POLR3A: variants seen among roughly 807,000 people sequenced by gnomAD.
POLR3A encodes the protein RNA polymerase III subunit A.
In POLR3A, 112 loss-of-function variants were observed where a neutral mutation model predicts 152.8. That is an observed-to-expected ratio of 0.73 (90% CI 0.63 to 0.86). The LOEUF (loss-of-function observed/expected upper bound fraction) is 0.86, where lower values mean the gene tolerates loss of function less well. POLR3A is among the 40% of genes least tolerant of loss of function. The pLI, the probability that POLR3A is intolerant of heterozygous loss-of-function variation, is 0.00. For missense variants in POLR3A, 1,385 were observed against 1,743.1 expected, an observed-to-expected ratio of 0.79 and a Z score of 3.66; for synonymous variants, 615 against 652.1, an observed-to-expected ratio of 0.94 and a Z score of 0.87.
At chr10:77,995,042 T>A (rs983603013) in intron 19 of POLR3A, among the ~76,000 whole-genome samples, 1 of 152,208 alleles carries the variant, frequency 6.6e-6, no homozygotes, top group African/African-American at 2.4e-5. Flanking sequence ...CAAAACAGAA[T>A]TTCATATCCA....
intron 15 of POLR3A, among the ~76,000 whole-genome samples, chr10:78,007,095 C>T (rs1847419103): frequency 6.6e-6 from 1 of 151,934 alleles, no homozygotes; most frequent in Non-Finnish European, 1.5e-5. Flanking sequence ...AAATCAAATA[C>T]AAAAACTGGG....
chr10:77,988,988 C>G (rs369692332), intron 21 of POLR3A, among the ~76,000 whole-genome samples: 1 of 152,108 alleles, frequency 6.6e-6, no homozygotes, highest in African/African-American at 2.4e-5. Flanking sequence ...AACAATCTGC[C>G]GGCTTAGGCA....
rs1366148726 is a variant in POLR3A, at chr10:77,977,154, G to A, written c.*324C>T. The A allele has an allele frequency of 2.6e-6, 1 of 380,996 alleles. No homozygotes were observed. Among genetic ancestry groups the A allele is most frequent in the Non-Finnish European group, 5.0e-6 (1 of 199,746 alleles). The allele number at this position is 380,996 out of a possible 1,614,324, so 23.6% of individuals were successfully genotyped here. On this transcript the variant is annotated 3_prime_UTR_variant, in exon 31 of 31. Transcript: ENST00000372371. ...CCGATGGATGTATGCAGTGAGCTGG[G>A]ATGGACCATGACACCTGGCTGGGCT...
chr10:78,010,448 T>C (rs1484718363), intron 12 of POLR3A, 23 bp downstream of exon 12: 1 of 1,566,566 alleles, frequency 6.4e-7, no homozygotes, highest in East Asian at 2.2e-5. Flanking sequence ...AAATCTCCTT[T>C]CAAGTGAACT....
rs1564613755 is a variant in POLR3A, at chr10:77,984,023, A to G, written c.3337-11T>C. On this transcript the variant is annotated splice_polypyrimidine_tract_variant and intron_variant, in intron 25 of 30. Transcript: ENST00000372371. ...AATATACTCGGAAATCTGGAGTGTCAAAAGATCAGACTGTTAATCAGCCGC... is the reference window on the plus strand; with the variant it reads ...AATATACTCGGAAATCTGGAGTGTCGAAAGATCAGACTGTTAATCAGCCGC... 19 of 1,571,422 alleles carry G rather than the reference A, an allele frequency of 1.2e-5. No individual in the cohort carries two copies. The highest frequency in any genetic ancestry group is 1.7e-4 in the Middle Eastern group (1 of 6,000).
At position 77,982,221 on chromosome 10, in the gene POLR3A, T is replaced by TTATC. The variant is rs1292401633; in HGVS notation, c.3688_3691dup (p.Asn1231ArgfsTer2). ...GTGTGTGGCCATGACTGCCCGCAGG[T>TTATC]TATCACCTTCCACCAGAAGCTTGTA... On this transcript the variant is annotated stop_gained and frameshift_variant, in exon 28 of 31. Transcript: ENST00000372371. LOFTEE classifies it high-confidence loss of function. 1 of 1,613,732 alleles carries TTATC rather than the reference T, an allele frequency of 6.2e-7. No homozygotes were observed. The highest frequency in any genetic ancestry group is 1.3e-5 in the African/African-American group (1 of 74,780).
intron 1 of POLR3A, 70 bp downstream of exon 1, chr10:78,029,294 A>G (rs1847667217): frequency 6.6e-7 from 1 of 1,513,734 alleles, no homozygotes; most frequent in Non-Finnish European, 9.2e-7. Context: ...ACCCTGCAAG[A>G]CCCGGGACCG....
Position 78,025,747 on chromosome 10 carries a change from T to C in POLR3A, c.193A>G (p.Lys65Glu), listed in dbSNP as rs774646191. 6 of 1,614,062 alleles carry C rather than the reference T, an allele frequency of 3.7e-6. No individual in the cohort carries two copies. The highest frequency in any genetic ancestry group is 5.1e-6 in the Non-Finnish European group (6 of 1,179,926). ...CCACAGGTTTCACATGGACGATCCT[T>C]CTCACTCGTACCCTTTGAAAAAAAG... ...VLDHRMGTSE[K>E]DRPCETCGKN... Residue 65 changes from lysine to glutamate, a missense_variant, in exon 3 of 31, where the codon AAG becomes GAG. Around this residue, in one of 7 missense-constraint regions of POLR3A, gnomAD observed 493 missense variants for 647.5 expected, o/e 0.76. Coordinates refer to ENST00000372371, the MANE Select transcript of POLR3A (RefSeq NM_007055.4).
Position 77,985,949 on chromosome 10 carries a change from T to A in POLR3A, c.3025A>T (p.Thr1009Ser). The change falls in exon 23 of 31, where the codon ACC (threonine) becomes TCC (serine). Residue 1009 changes from threonine to serine, a missense_variant. By Grantham distance (58) the Thr-to-Ser change is moderately conservative. This residue lies in a region of POLR3A where 178 missense variants were observed against 204.6 expected (regional missense o/e 0.87). Coordinates refer to ENST00000372371, the MANE Select transcript of POLR3A (RefSeq NM_007055.4). The stretch of plus-strand genomic sequence containing the variant: ...GTCTCCAGAAACTTTTCTACTTGGG[T>A]GGGGGTGATGCGGTCCAGCTGGTAC... ...VLYQLDRITP[T>S]QVEKFLETCR... The A allele has an allele frequency of 1.2e-6, 2 of 1,614,074 alleles. No individual in the cohort carries two copies. The highest frequency in any genetic ancestry group is 1.7e-6 in the Non-Finnish European group (2 of 1,180,012).
At chr10:77,996,316 C>T (rs1308101940) in intron 19 of POLR3A, among the ~76,000 whole-genome samples, 4 of 152,070 alleles carry the variant, frequency 2.6e-5, no homozygotes, top group South Asian at 4.2e-4. Context: ...AAGATCAGAG[C>T]AGAACTGAAG....
chr10:77,996,899 T>G (rs1391920578), intron 19 of POLR3A, among the ~76,000 whole-genome samples: 1 of 152,138 alleles, frequency 6.6e-6, no homozygotes, highest in Non-Finnish European at 1.5e-5. Context: ...TGAACATCGA[T>G]GCAAAAATCC....
rs1248587282 is a variant in POLR3A, at chr10:77,984,293, G to A, written c.3248C>T (p.Pro1083Leu). ...IINASKAIST[P>L]IITAQLDKDD... ...CTTGTCTAGCTGTGCTGTGATAATT[G>A]GAGTGCTGTTGAGAAGCAAAGGAAA... Residue 1083 changes from proline (P) to leucine (L), a missense_variant, in exon 25 of 31, where the codon CCA becomes CTA. Pro to Leu is a moderately conservative substitution (Grantham distance 98). Around this residue, in one of 7 missense-constraint regions of POLR3A, gnomAD observed 332 missense variants for 400.1 expected, o/e 0.83. Transcript: ENST00000372371. 2 of 1,607,200 alleles carry A rather than the reference G, an allele frequency of 1.2e-6. No individual in the cohort carries two copies. Among genetic ancestry groups the A allele is most frequent in the African/African-American group, 2.7e-5 (2 of 74,782 alleles).
rs576810195 is a variant in POLR3A, at chr10:77,982,148, T to C, written c.3759+6A>G. 9 of 1,600,114 alleles carry C rather than the reference T, an allele frequency of 5.6e-6. No homozygotes were observed. The South Asian group carries it at 9.9e-5, about 18-fold the overall frequency. On this transcript the variant is annotated splice_donor_region_variant and intron_variant, in intron 28 of 30. Transcript: ENST00000372371. ...CCCTAAGGCGACCCCGTGGGCTGAG[T>C]GGTACCTCATAGGTGTTATTGGAGG... is the stretch of plus-strand genomic sequence containing the variant.
At chr10:78,005,235 G>A (rs1024352148) in intron 15 of POLR3A, among the ~76,000 whole-genome samples, 8 of 152,194 alleles carry the variant, frequency 5.3e-5, no homozygotes, top group Non-Finnish European at 1.2e-4. Flanking sequence ...AGTGGCTCAC[G>A]CCTATAATCC....
intron 15 of POLR3A, 79 bp from the exon 16 acceptor site, chr10:78,004,967 G>C: frequency 8.2e-6 from 9 of 1,104,214 alleles, no homozygotes; most frequent in Non-Finnish European, 1.1e-5. Flanking sequence ...ATGCCTGCTA[G>C]ATATAGTTTG....
At position 77,985,923 on chromosome 10, in the gene POLR3A, G is replaced by C; in HGVS notation, c.3051C>G (p.Thr1017=). The C allele has an allele frequency of 1.9e-6, 3 of 1,613,884 alleles. No homozygotes were observed. The highest frequency in any genetic ancestry group is 2.5e-6 in the Non-Finnish European group (3 of 1,179,802). The change falls in exon 23 of 31, where the codon ACC becomes ACG. Residue 1017 remains threonine (T), a synonymous_variant. Coordinates refer to ENST00000372371, the MANE Select transcript of POLR3A (RefSeq NM_007055.4). ...CCTACCTCATGTACTTGTCCCTACAGGTCTCCAGAAACTTTTCTACTTGGG... is the reference window on the plus strand; with the variant it reads ...CCTACCTCATGTACTTGTCCCTACACGTCTCCAGAAACTTTTCTACTTGGG... The part of the protein sequence containing the change: ...TPTQVEKFLE[T]CRDKYMRAQM...
Position 77,985,162 on chromosome 10 carries a change from G to C in POLR3A, c.3242+8C>G, listed in dbSNP as rs778122446. On this transcript the variant is annotated splice_region_variant and intron_variant, in intron 24 of 30. Coordinates refer to ENST00000372371, the MANE Select transcript of POLR3A (RefSeq NM_007055.4). ...TGTGTGGAACAAGAAGGAAATGAAAGCAGGCACCTGATGGCCTTGGAAGCG... is the reference window on the plus strand; with the variant it reads ...TGTGTGGAACAAGAAGGAAATGAAACCAGGCACCTGATGGCCTTGGAAGCG... 2.5e-6 allele frequency: 4 copies of C among 1,611,544 alleles called. No individual in the cohort carries two copies. In the Admixed American group the frequency reaches 6.7e-5, roughly 27 times the overall value.
chr10:78,028,487 C>T (rs1179720638), intron 1 of POLR3A, among the ~76,000 whole-genome samples: 2 of 152,118 alleles, frequency 1.3e-5, no homozygotes, highest in African/African-American at 4.8e-5. Flanking sequence ...CAGTATCCTC[C>T]TCAGTGTCTG....
rs1256396216 is a variant in POLR3A, at chr10:77,976,028, G to A, written c.*1450C>T. On this transcript the variant is annotated 3_prime_UTR_variant, in exon 31 of 31. Transcript: ENST00000372371. Reference sequence around the variant, plus strand: ...AATGGCATTTTTTTTCCACATCACTGATACCCCAAGAGAAGTTAATAGGTC... The same window carrying A: ...AATGGCATTTTTTTTCCACATCACTAATACCCCAAGAGAAGTTAATAGGTC... 1 of 152,010 alleles carries A rather than the reference G, an allele frequency of 6.6e-6. No homozygotes were observed. The highest frequency in any genetic ancestry group is 1.5e-5 in the Non-Finnish European group (1 of 67,996). The allele number at this position is 152,010 out of a possible 1,614,324, so 9.4% of individuals were successfully genotyped here. A position where few individuals can be genotyped will look rare whatever the true frequency, so the allele number is the denominator to read the frequency against.
Sources: allele counts gnomAD v4.1 joint callset (sites outside exome capture counted in the v4.1 genomes callset), GRCh38; gene constraint gnomAD v4.1.1; regional missense constraint gnomAD v4.1.1; transcripts MANE v1.5; gene names NCBI Gene and HGNC (gene_info 2026-07-23, HGNC 2026-07-21).